MDN1: variants seen among roughly 807,000 people sequenced by gnomAD.
MDN1 encodes midasin AAA ATPase 1.
Under a neutral mutation model 669.2 loss-of-function variants are expected in MDN1, and 266 were observed. That is an observed-to-expected ratio of 0.40 (90% CI 0.36 to 0.44). The LOEUF is 0.44. Ranked by LOEUF, MDN1 falls within the 20% of genes least tolerant of loss-of-function variation. The pLI is 1.00. For synonymous variants in MDN1, 2,385 were observed against 2,457.1 expected (o/e 0.97, Z 0.87); for missense variants, 5,940 against 6,754.0 (o/e 0.88, Z 4.22).
chr6:89,783,708 G>T (rs750674963), intron 9 of MDN1, among the ~76,000 whole-genome samples: 2 of 152,036 alleles, frequency 1.3e-5, no homozygotes, highest in Non-Finnish European at 2.9e-5. Context: ...TGGGCATCAC[G>T]GTCCTACCAA....
chr6:89,686,664 T>C (rs1812029967), intron 69 of MDN1, among the ~76,000 whole-genome samples: 1 of 152,244 alleles, frequency 6.6e-6, no homozygotes, highest in African/African-American at 2.4e-5. Flanking sequence ...ACTGGTTCTC[T>C]AGACTTTTGG....
rs560063657 is a variant in MDN1, at chr6:89,819,289, A to C, written c.102+217T>G. On this transcript the variant is annotated intron_variant, in intron 1 of 101. Coordinates refer to ENST00000369393, the MANE Select transcript of MDN1 (RefSeq NM_014611.3). Reference sequence around the variant, plus strand: ...TGAGAGGCGATGGGAAGGGTACTGGAAGGCTCCCCCAGATAAAAACAAAAG... The same window carrying C: ...TGAGAGGCGATGGGAAGGGTACTGGCAGGCTCCCCCAGATAAAAACAAAAG... Among the ~76,000 whole-genome samples the C allele has an allele frequency of 1.3e-3, 203 of 152,286 alleles. 1 individual carries two copies. The highest frequency in any genetic ancestry group is 4.6e-3 in the African/African-American group (191 of 41,576).
Position 89,668,115 on chromosome 6 carries a change from C to A in MDN1, c.13993G>T (p.Ala4665Ser), listed in dbSNP as rs755076237. ...CLPKEFMEDS[A>S]GEGATEFHDY... ...TGGAACTCAGTTGCTCCCTCTCCAGCTGAATCTTCCATAAATTCTTTGGGC... is the reference window on the plus strand; with the variant it reads ...TGGAACTCAGTTGCTCCCTCTCCAGATGAATCTTCCATAAATTCTTTGGGC... The change falls in exon 84 of 102, where the codon GCT becomes TCT. Residue 4665 changes from alanine to serine, a missense_variant. Ala to Ser is a moderately conservative substitution (Grantham distance 99, BLOSUM62 1). This residue lies in a region of MDN1 where 2,280 missense variants were observed against 2,576.3 expected (regional missense o/e 0.88). Transcript: ENST00000369393. 5 of 1,614,080 alleles carry A rather than the reference C, an allele frequency of 3.1e-6. No homozygotes were observed. The highest frequency in any genetic ancestry group is 4.2e-6 in the Non-Finnish European group (5 of 1,179,996).
chr6:89,806,619 G>A (rs1483175319), intron 1 of MDN1, among the ~76,000 whole-genome samples: 1 of 152,140 alleles, frequency 6.6e-6, no homozygotes, highest in Non-Finnish European at 1.5e-5. Flanking sequence ...TTGGGAGGCT[G>A]GGGCAGGAAA....
intron 15 of MDN1, among the ~76,000 whole-genome samples, chr6:89,765,112 G>C (rs1359953042): frequency 6.6e-6 from 1 of 152,120 alleles, no homozygotes; most frequent in Non-Finnish European, 1.5e-5. Context: ...AAAAAAATTA[G>C]CCAGGCATAG....
Position 89,674,323 on chromosome 6 carries a change from T to C in MDN1, c.13028A>G (p.Gln4343Arg), listed in dbSNP as rs761785590. ...TAGGTCCAGCACTACTCCACAAAGT[T>C]GTCCCTTGCTAAGTTCTGGTCCTTC... ...CLEGPELSKG[Q>R]LCGVVLDLIP... Residue 4343 changes from glutamine (Q) to arginine (R), a missense_variant, in exon 79 of 102, where the codon CAA (glutamine) becomes CGA (arginine). Physicochemically the swap from Gln to Arg is conservative, Grantham distance 43 (BLOSUM62 1). Coordinates refer to ENST00000369393, the MANE Select transcript of MDN1 (RefSeq NM_014611.3). The C allele has an allele frequency of 1.2e-6, 2 of 1,614,228 alleles. No homozygotes were observed. Among genetic ancestry groups the C allele is most frequent in the Non-Finnish European group, 1.7e-6 (2 of 1,180,032 alleles).
chr6:89,781,008 C>CA (rs1818644545), intron 10 of MDN1, among the ~76,000 whole-genome samples: 1 of 151,880 alleles, frequency 6.6e-6, no homozygotes, highest in Non-Finnish European at 1.5e-5. Context: ...ACTGAGAACA[C>CA]AGAGTGGCAC....
intron 71 of MDN1, 40 bp from the exon 72 acceptor site, chr6:89,683,944 C>G (rs760819494): frequency 7.0e-7 from 1 of 1,434,222 alleles, no homozygotes; most frequent in Non-Finnish European, 9.8e-7. Flanking sequence ...CTTTATAAAG[C>G]TAGTGTCATT....
chr6:89,781,472 C>T lies in MDN1; in HGVS notation c.1570G>A (p.Ala524Thr). The change falls in exon 10 of 102, where the codon GCA (alanine) becomes ACA (threonine). Residue 524 changes from alanine to threonine, a missense_variant. Ala to Thr is a moderately conservative substitution (Grantham distance 58). Coordinates refer to ENST00000369393, the MANE Select transcript of MDN1 (RefSeq NM_014611.3). ...CTGGCTTCTGAAACTTCTTCAGGTG[C>T]CTGTTCACATCCAACAGAACTATCA... ...WSDSSVGCEQ[A>T]PEEVSEARRE... 6.2e-7 allele frequency: 1 copy of T among 1,614,106 alleles called. No homozygotes were observed. The highest frequency in any genetic ancestry group is 8.5e-7 in the Non-Finnish European group (1 of 1,179,990).
At chr6:89,658,962 G>A (rs371998407) in intron 88 of MDN1, 45 bp from the exon 89 acceptor site, 23 of 1,515,184 alleles carry the variant, frequency 1.5e-5, no homozygotes, top group Admixed American at 1.5e-4. Flanking sequence ...TTTTTGAAAC[G>A]TACATGATTT....
chr6:89,788,016 A>G, intron 7 of MDN1, 59 bp from the exon 8 acceptor site: 1 of 1,388,042 alleles, frequency 7.2e-7, no homozygotes, highest in Non-Finnish European at 1.0e-6. Flanking sequence ...AGAAATAATC[A>G]AAACAAAACA....
Position 89,716,704 on chromosome 6 carries a change from A to G in MDN1, c.6689T>C (p.Val2230Ala). 6.2e-7 allele frequency: 1 copy of G among 1,614,140 alleles called. No homozygotes were observed. Among genetic ancestry groups the G allele is most frequent in the Middle Eastern group, 1.6e-4 (1 of 6,062 alleles). The change falls in exon 44 of 102, where the codon GTT becomes GCT. Residue 2230 changes from valine (V) to alanine (A), a missense_variant. By Grantham distance (64) the Val-to-Ala change is moderately conservative. This residue lies in a region of MDN1 where 2,292 missense variants were observed against 2,638.3 expected (regional missense o/e 0.87). Coordinates refer to ENST00000369393, the MANE Select transcript of MDN1 (RefSeq NM_014611.3). ...CCAGTCTCCAGACTTCAGGGCCTGA[A>G]CCAACATGCTGTCAACCCATTCAAA... The part of the protein sequence containing the change: ...GTFEWVDSML[V>A]QALKSGDWLL...
chr6:89,789,556 C>T (rs1359716968), intron 7 of MDN1, among the ~76,000 whole-genome samples: 3 of 152,250 alleles, frequency 2.0e-5, no homozygotes, highest in Middle Eastern at 3.4e-3. Flanking sequence ...CTATAGGAAA[C>T]AGCACAACCA....
intron 35 of MDN1, among the ~76,000 whole-genome samples, chr6:89,729,750 T>C (rs554316947): frequency 1.4e-4 from 19 of 132,560 alleles, no homozygotes; most frequent in Non-Finnish European, 2.5e-4. Flanking sequence ...TACCTCACCC[T>C]TGGTAGCAGA....
At position 89,706,187 on chromosome 6, in the gene MDN1, C is replaced by A; in HGVS notation, c.8020G>T (p.Glu2674Ter). Residue 2674 changes from glutamate to a stop codon, truncating the protein, a stop_gained, in exon 53 of 102, where the codon GAA (glutamate) becomes TAA (stop). Transcript: ENST00000369393. LOFTEE classifies it high-confidence loss of function. ...TCATGGGGCAGAGTGTGATAGCTTT[C>A]TGGATCTGAGAGTCAACATAAATAA... ...RMSFEFHQDP[E>*]SYHTLPHEIV... is the part of the protein sequence containing the mutation. 6.2e-7 allele frequency: 1 copy of A among 1,610,158 alleles called. No homozygotes were observed. Among genetic ancestry groups the A allele is most frequent in the Non-Finnish European group, 8.5e-7 (1 of 1,178,380 alleles).
At chr6:89,783,651 C>T (rs1818798837) in intron 9 of MDN1, among the ~76,000 whole-genome samples, 1 of 152,088 alleles carries the variant, frequency 6.6e-6, no homozygotes, top group African/African-American at 2.4e-5. Context: ...TCTTACACCC[C>T]CTCCCCTTTT....
Position 89,698,852 on chromosome 6 carries a change from T to C in MDN1, c.9168+13A>G, listed in dbSNP as rs1018826161. ...CACTATCAAACATTTTTTATAATTT[T>C]AGACCAACAAACCTTCAATGTGGAG... On this transcript the variant is annotated intron_variant, in intron 59 of 101. Coordinates refer to ENST00000369393, the MANE Select transcript of MDN1 (RefSeq NM_014611.3). 8 of 1,612,228 alleles carry C rather than the reference T, an allele frequency of 5.0e-6. No homozygotes were observed. The Admixed American group carries it at 5.1e-5, about 10-fold the overall frequency.
intron 93 of MDN1, among the ~76,000 whole-genome samples, chr6:89,653,479 A>G (rs1365681636): frequency 6.6e-6 from 1 of 152,266 alleles, no homozygotes; most frequent in Non-Finnish European, 1.5e-5. Flanking sequence ...TGACAGAAAT[A>G]AAAACTAAAA....
chr6:89,770,537 C>A (rs1818032376), intron 15 of MDN1, among the ~76,000 whole-genome samples: 1 of 151,948 alleles, frequency 6.6e-6, no homozygotes, highest in African/African-American at 2.4e-5. Flanking sequence ...TAAAATAAAA[C>A]CAAGGTAGAA....
Sources: allele counts gnomAD v4.1 joint callset (sites outside exome capture counted in the v4.1 genomes callset), GRCh38; gene constraint gnomAD v4.1.1; regional missense constraint gnomAD v4.1.1; transcripts MANE v1.5; gene names NCBI Gene and HGNC (gene_info 2026-07-23, HGNC 2026-07-21).